Variants in ANKS1B observed in about 807,000 individuals in gnomAD.
ANKS1B encodes ankyrin repeat and sterile alpha motif domain containing 1B.
ANKS1B carries 36 observed loss-of-function variants against 148.3 expected under a neutral mutation model. The ratio of observed to expected loss-of-function variants is 0.24; its 90% confidence interval spans 0.19 to 0.32. The LOEUF is 0.32. ANKS1B is among the 10% of genes least tolerant of loss of function. The pLI is 1.00. For synonymous variants in ANKS1B, 542 were observed against 560.8 expected (o/e 0.97, Z 0.47); for missense variants, 1,157 against 1,542.6 (o/e 0.75, Z 4.19).
chr12:99,813,449 A>G (rs2153668809), intron 2 of ANKS1B, among the ~76,000 whole-genome samples: 1 of 151,452 alleles, frequency 6.6e-6, no homozygotes, highest in South Asian at 2.1e-4. Context: ...ACTAATGGGG[A>G]GGGTGAACAT....
intron 9 of ANKS1B, among the ~76,000 whole-genome samples, chr12:99,584,477 T>C (rs1440600000): frequency 2.6e-5 from 4 of 152,042 alleles, no homozygotes; most frequent in African/African-American, 4.8e-5. Context: ...TGCATGCCTG[T>C]AGTCCCAACT....
At chr12:99,353,736 A>C (rs2091691190) in intron 12 of ANKS1B, among the ~76,000 whole-genome samples, 1 of 151,974 alleles carries the variant, frequency 6.6e-6, no homozygotes, top group South Asian at 2.1e-4. Context: ...ACAGACTCTT[A>C]ATGACACTAG....
chr12:99,833,790 C>G (rs1169109393), intron 1 of ANKS1B, among the ~76,000 whole-genome samples: 1 of 152,088 alleles, frequency 6.6e-6, no homozygotes, highest in Admixed American at 6.5e-5. Flanking sequence ...AAATAAGATT[C>G]AGGGCCTATA....
At chr12:98,884,508 T>C (rs2099731951) in intron 17 of ANKS1B, among the ~76,000 whole-genome samples, 1 of 152,172 alleles carries the variant, frequency 6.6e-6, no homozygotes, top group South Asian at 2.1e-4. Flanking sequence ...TTAGAAACTA[T>C]CTATTTGGGG....
At chr12:99,374,392 C>T (rs533678081) in intron 12 of ANKS1B, among the ~76,000 whole-genome samples, 130 of 152,206 alleles carry the variant, frequency 8.5e-4, no homozygotes, top group African/African-American at 3.0e-3. Context: ...GTTAGGTGAA[C>T]TGGTGTGTCT....
chr12:99,535,289 C>T lies in ANKS1B; in HGVS notation c.1273-30648G>A, dbSNP rs115295259. On this transcript the variant is annotated intron_variant, in intron 9 of 26. Coordinates refer to ENST00000683438, the MANE Select transcript of ANKS1B (RefSeq NM_001352186.2). ...TGTGTTTTGAAACTCCTCTGGTTTC[C>T]TGGCTTCTAAGATCCAGTCCATCAC... Among the ~76,000 whole-genome samples the T allele has an allele frequency of 4.9e-3, 744 of 152,268 alleles. 2 individuals are homozygous for T. The highest frequency in any genetic ancestry group is 0.017 in the African/African-American group (720 of 41,552).
At chr12:99,561,284 A>T (rs148017289) in intron 9 of ANKS1B, among the ~76,000 whole-genome samples, 1 of 152,180 alleles carries the variant, frequency 6.6e-6, no homozygotes, top group African/African-American at 2.4e-5. Flanking sequence ...ATCGGAGTCA[A>T]TCCTCTCAAA....
At chr12:99,464,627 G>C (rs890671513) in intron 10 of ANKS1B, among the ~76,000 whole-genome samples, 3 of 152,178 alleles carry the variant, frequency 2.0e-5, no homozygotes, top group Non-Finnish European at 4.4e-5. Context: ...GCCAAGGCTC[G>C]AGAACTACGT....
intron 14 of ANKS1B, among the ~76,000 whole-genome samples, chr12:99,157,366 C>T (rs1354297480): frequency 6.6e-6 from 1 of 152,168 alleles, no homozygotes; most frequent in African/African-American, 2.4e-5. Flanking sequence ...ACGACAATGA[C>T]ACTTTGGCTT....
At chr12:99,444,800 G>A (rs1186379081) in intron 10 of ANKS1B, among the ~76,000 whole-genome samples, 1 of 151,950 alleles carries the variant, frequency 6.6e-6, no homozygotes, top group African/African-American at 2.4e-5. Context: ...TGAACTGATT[G>A]CAAAAGAGAC....
In ANKS1B at chr12:98,736,331, A is replaced by AGAGTT. The variant is rs2097772884; in HGVS notation, c.691-702_691-698dup. Among the ~76,000 whole-genome samples the AGAGTT allele has an allele frequency of 2.6e-5, 4 of 152,216 alleles. No individual in the cohort carries two copies. In the South Asian group the frequency reaches 8.3e-4, roughly 31 times the overall value. ...GGATTCTGGACATATTTTGAAGATA[A>AGAGTT]GAGTTAATAGGATTTGCTGATGGAT... On this transcript the variant is annotated intron_variant, in intron 9 of 9. Coordinates refer to the ANKS1B transcript ENST00000341752.
At position 99,772,981 on chromosome 12, in the gene ANKS1B, A is replaced by G. The variant is rs747059556; in HGVS notation, c.1069T>C (p.Leu357=). The G allele has an allele frequency of 1.2e-6, 2 of 1,612,650 alleles. No individual in the cohort carries two copies. The highest frequency in any genetic ancestry group is 3.3e-5 in the Admixed American group (2 of 59,936). ...TCTGAAATCTTGCTCAAATTATCTA[A>G]GTAGTGGTCTGATATTGTGTGGCAC... ...DLCHTISDHY[L]DNLSKISEEE... Residue 357 remains leucine, a synonymous_variant, in exon 8 of 27, where the codon TTA becomes CTA. Transcript: ENST00000683438.
At chr12:98,754,220 T>C (rs1010292061) in intron 25 of ANKS1B, among the ~76,000 whole-genome samples, 2 of 152,212 alleles carry the variant, frequency 1.3e-5, no homozygotes, top group East Asian at 1.9e-4. Flanking sequence ...ACTGAGCCCA[T>C]GTTTGCCTCC....
At chr12:99,444,522 T>C (rs2095604635) in intron 10 of ANKS1B, among the ~76,000 whole-genome samples, 2 of 151,334 alleles carry the variant, frequency 1.3e-5, no homozygotes, top group Non-Finnish European at 2.9e-5. Context: ...ATGTGTAACA[T>C]TTTTTTCTTA....
At chr12:99,425,418 C>T (rs967272829) in intron 11 of ANKS1B, among the ~76,000 whole-genome samples, 1 of 151,816 alleles carries the variant, frequency 6.6e-6, no homozygotes, top group African/African-American at 2.4e-5. Flanking sequence ...ATTGTTTCCT[C>T]TTTCTGGGCA....
chr12:99,322,337 C>T (rs534534311), intron 12 of ANKS1B, among the ~76,000 whole-genome samples: 1 of 151,872 alleles, frequency 6.6e-6, no homozygotes, highest in African/African-American at 2.4e-5. Context: ...GTGAACAACA[C>T]ACACCAATGC....
chr12:99,173,180 G>A (rs1566549361), intron 14 of ANKS1B, among the ~76,000 whole-genome samples: 1 of 152,106 alleles, frequency 6.6e-6, no homozygotes, highest in African/African-American at 2.4e-5. Flanking sequence ...TATTTTAACT[G>A]TTCCGAAATC....
chr12:99,396,638 C>T lies in ANKS1B; in HGVS notation c.1756+2993G>A, dbSNP rs1198790297. Among the ~76,000 whole-genome samples the T allele has an allele frequency of 3.9e-5, 6 of 152,264 alleles. No homozygotes were observed. The South Asian group carries it at 6.2e-4, about 16-fold the overall frequency. Reference sequence around the variant, plus strand: ...TTGGATGATGCCACTGAACTCCTGGCAGCAGCAAAATGTGTTTGTTCTGAT... The same window carrying T: ...TTGGATGATGCCACTGAACTCCTGGTAGCAGCAAAATGTGTTTGTTCTGAT... On this transcript the variant is annotated intron_variant, in intron 12 of 26. Transcript: ENST00000683438.
chr12:99,001,397 G>C (rs2099932944), intron 17 of ANKS1B, among the ~76,000 whole-genome samples: 1 of 152,144 alleles, frequency 6.6e-6, no homozygotes, highest in East Asian at 1.9e-4. Context: ...CTAAAGTGCT[G>C]GGAATATAGG....
Sources: allele counts gnomAD v4.1 joint callset (sites outside exome capture counted in the v4.1 genomes callset), GRCh38; gene constraint gnomAD v4.1.1; transcripts MANE v1.5; gene names NCBI Gene and HGNC (gene_info 2026-07-23, HGNC 2026-07-21).